Variants in HDAC9 observed in about 807,000 individuals in gnomAD.
HDAC9 encodes the protein MEF-2 interacting transcription repressor (MITR) protein.
HDAC9 carries 41 observed loss-of-function variants against 139.4 expected under a neutral mutation model. The ratio of observed to expected loss-of-function variants is 0.29; its 90% CI spans 0.23 to 0.38. The LOEUF is 0.38. Ranked by LOEUF, HDAC9 falls within the 10% of genes least tolerant of loss-of-function variation. The probability of loss-of-function intolerance (pLI) is 1.00; values close to 1 mark genes in which losing one functional copy is unlikely to be tolerated. For missense variants in HDAC9, 1,147 were observed against 1,297.0 expected (o/e 0.88, Z 1.78); for synonymous variants, 517 against 476.2 (o/e 1.09, Z -1.12).
intron 1 of HDAC9, among the ~76,000 whole-genome samples, chr7:18,103,809 A>G (rs574778286): frequency 6.6e-6 from 1 of 151,454 alleles, no homozygotes; most frequent in South Asian, 2.1e-4. Flanking sequence ...AGATCGAAAT[A>G]TTTCTAATAT....
At chr7:18,697,195 C>A (rs1783115207) in intron 12 of HDAC9, among the ~76,000 whole-genome samples, 1 of 152,166 alleles carries the variant, frequency 6.6e-6, no homozygotes, top group African/African-American at 2.4e-5. Context: ...GGATGAGCTT[C>A]TCTAGGATCA....
At chr7:18,428,056 G>A (rs1000071755) in intron 1 of HDAC9, among the ~76,000 whole-genome samples, 14 of 152,106 alleles carry the variant, frequency 9.2e-5, no homozygotes, top group African/African-American at 3.1e-4. Flanking sequence ...TGTCGCATAT[G>A]GCAGGACTTC....
chr7:18,472,679 T>C (rs1794815310), intron 1 of HDAC9, among the ~76,000 whole-genome samples: 1 of 152,174 alleles, frequency 6.6e-6, no homozygotes, highest in Non-Finnish European at 1.5e-5. Context: ...GTCTCCAACT[T>C]AGCAAGAGAT....
chr7:18,209,715 T>C (rs1261245641), intron 2 of HDAC9, among the ~76,000 whole-genome samples: 1 of 152,074 alleles, frequency 6.6e-6, no homozygotes, highest in East Asian at 1.9e-4. Context: ...TTCTTTTTTT[T>C]TTTGAGACAG....
chr7:18,869,763 G>GA (rs536103182), intron 21 of HDAC9, among the ~76,000 whole-genome samples: 9 of 151,952 alleles, frequency 5.9e-5, no homozygotes, highest in South Asian at 4.1e-4. Flanking sequence ...TGAGAGCAGA[G>GA]AAAAAAACAC....
intron 2 of HDAC9, among the ~76,000 whole-genome samples, chr7:18,205,616 A>G (rs935544873): frequency 6.6e-6 from 1 of 152,094 alleles, no homozygotes; most frequent in African/African-American, 2.4e-5. Context: ...TATGATCTAA[A>G]TTGCTAATTT....
intron 1 of HDAC9, among the ~76,000 whole-genome samples, chr7:18,316,396 G>A (rs1230777994): frequency 6.6e-6 from 1 of 152,096 alleles, no homozygotes; most frequent in Non-Finnish European, 1.5e-5. Context: ...GAGAAATATG[G>A]CATTTAGAAT....
intron 1 of HDAC9, among the ~76,000 whole-genome samples, chr7:18,138,525 GAGGTGTGTGTGTGT>G (rs1042163921): frequency 8.4e-6 from 1 of 118,850 alleles, no homozygotes; most frequent in African/African-American, 3.0e-5. Flanking sequence ...GAGAGAGAGA[GAGGTGTGTGTGTGT>G]GTGTGTGTGT....
chr7:18,383,466 A>T (rs1453292557), intron 1 of HDAC9, among the ~76,000 whole-genome samples: 1 of 152,192 alleles, frequency 6.6e-6, no homozygotes, highest in East Asian at 1.9e-4. Context: ...CATTTAAGTT[A>T]GTAAAGAAAT....
chr7:18,290,183 A>G (rs1221507208), upstream of HDAC9: 3 of 245,044 alleles, frequency 1.2e-5, no homozygotes, highest in South Asian at 5.3e-5. Context: ...TCTGTAGTCT[A>G]TTAGGCTTCT....
chr7:18,472,600 C>T (rs1170388181), intron 1 of HDAC9, among the ~76,000 whole-genome samples: 4 of 152,184 alleles, frequency 2.6e-5, no homozygotes, highest in African/African-American at 4.8e-5. Context: ...ATTCCCTCTG[C>T]GTGAAGCGGG....
chr7:18,908,129 T>A (rs926175028), intron 22 of HDAC9, among the ~76,000 whole-genome samples: 1 of 152,076 alleles, frequency 6.6e-6, no homozygotes, highest in African/African-American at 2.4e-5. Context: ...ATGCATATTC[T>A]TTAAAAACAT....
intron 1 of HDAC9, among the ~76,000 whole-genome samples, chr7:18,381,548 C>T (rs186184114): frequency 9.9e-5 from 15 of 152,022 alleles, no homozygotes. Flanking sequence ...GATAAAATAT[C>T]ATAATGTATG....
intron 6 of HDAC9, among the ~76,000 whole-genome samples, chr7:18,625,802 G>C (rs567303738): frequency 6.8e-4 from 104 of 151,954 alleles, no homozygotes; most frequent in African/African-American, 2.4e-3. Flanking sequence ...AAATTAGCCA[G>C]GCATGGTGGC....
At chr7:18,162,791 C>T (rs937880906) in intron 2 of HDAC9, among the ~76,000 whole-genome samples, 2 of 152,108 alleles carry the variant, frequency 1.3e-5, no homozygotes, top group Non-Finnish European at 2.9e-5. Context: ...ATTTTTCCTC[C>T]CCACCCTTCT....
chr7:18,821,391 A>G (rs758065550), intron 17 of HDAC9, among the ~76,000 whole-genome samples: 4 of 152,158 alleles, frequency 2.6e-5, no homozygotes, highest in Non-Finnish European at 4.4e-5. Context: ...ATAAGGAGGC[A>G]TTATTCAGGC....
At chr7:18,144,524 C>G (rs969306545) in intron 1 of HDAC9, among the ~76,000 whole-genome samples, 4 of 152,176 alleles carry the variant, frequency 2.6e-5, no homozygotes, top group Admixed American at 1.3e-4. Flanking sequence ...ATTTGGAATT[C>G]TGCTGCAGCT....
intron 21 of HDAC9, among the ~76,000 whole-genome samples, chr7:18,859,852 A>ATGTGTGTGTGTGTGTGTGTGTGTG (rs1411117103): frequency 1.6e-5 from 2 of 124,720 alleles, no homozygotes; most frequent in South Asian, 2.6e-4. Context: ...ATATATATAT[A>ATGTGTGTGTGTGTGTGTGTGTGTG]TATATATGTG....
intron 2 of HDAC9, among the ~76,000 whole-genome samples, chr7:18,229,895 T>C (rs1793334008): frequency 6.6e-6 from 1 of 152,192 alleles, no homozygotes; most frequent in Non-Finnish European, 1.5e-5. Context: ...TATTTACTAA[T>C]TTTACAGCAA....
Sources: gnomAD v4.1 joint callset for allele counts (sites outside exome capture counted in the v4.1 genomes callset) on GRCh38, gnomAD v4.1.1 for gene constraint, MANE v1.5 for transcripts, NCBI Gene and HGNC (gene_info 2026-07-23, HGNC 2026-07-21) for gene names.